The following RCOR2 variants were observed in gnomAD, a reference collection of about 807,000 sequenced individuals.
RCOR2 encodes the protein REST corepressor 2.
RCOR2 carries 19 observed loss-of-function variants against 58.9 expected under a neutral mutation model. The ratio of observed to expected loss-of-function variants is 0.32; its 90% confidence interval spans 0.23 to 0.47. The LOEUF (loss-of-function observed/expected upper bound fraction) is 0.47, where lower values mean the gene tolerates loss of function less well. Ranked by LOEUF, RCOR2 falls within the 20% of genes least tolerant of loss-of-function variation. The pLI is 1.00. For synonymous variants in RCOR2, 286 were observed against 278.7 expected (o/e 1.03, Z -0.26); for missense variants, 590 against 707.9 (o/e 0.83, Z 1.89).
chr11:63,924,854 G>T, the RCOR2 span, among the ~76,000 whole-genome samples: 1 of 45,502 alleles, frequency 2.2e-5, no homozygotes, highest in Admixed American at 2.0e-4. Context: ...CAGCCAAGGT[G>T]ATTTTTTTTT....
chr11:63,917,885 T>TC (rs1407383140), upstream of RCOR2, among the ~76,000 whole-genome samples: 4 of 151,192 alleles, frequency 2.6e-5, no homozygotes, highest in Non-Finnish European at 4.4e-5. Flanking sequence ...AGCATCCCCC[T>TC]CCCCCCGGAC....
the RCOR2 span, among the ~76,000 whole-genome samples, chr11:63,925,950 C>T: frequency 6.6e-6 from 1 of 151,978 alleles, no homozygotes; most frequent in African/African-American, 2.4e-5. Flanking sequence ...GCTCTTGTCG[C>T]CCAGGCTGGA....
rs1941863601 is a variant in RCOR2, at chr11:63,916,738, A to G, written c.-282T>C. The G allele has an allele frequency of 2.3e-6, 1 of 427,902 alleles. No homozygotes were observed. Among genetic ancestry groups the G allele is most frequent in the Non-Finnish European group, 4.2e-6 (1 of 238,710 alleles). 26.5% of individuals were successfully genotyped at this position (427,902 alleles called of 1,614,324 possible). On this transcript the variant is annotated 5_prime_UTR_variant, in exon 1 of 12. Transcript: ENST00000301459. ...CCGGTGCGGCTGGGGCGTGATTACT[A>G]TGTACGCCCCTCAGGGTTGGGGTTC...
upstream of RCOR2, among the ~76,000 whole-genome samples, chr11:63,922,143 C>T (rs758967897): frequency 2.0e-5 from 3 of 152,190 alleles, no homozygotes; most frequent in Non-Finnish European, 4.4e-5. Context: ...GATTCCAGCA[C>T]CATGCTCTTG....
At chr11:63,925,042 G>A in the RCOR2 span, among the ~76,000 whole-genome samples, 4 of 151,756 alleles carry the variant, frequency 2.6e-5, no homozygotes, top group African/African-American at 7.3e-5. Flanking sequence ...TAGTACAGCC[G>A]GGGTTTCACC....
intron 1 of RCOR2, 77 bp from the exon 2 acceptor site, chr11:63,915,688 G>A: frequency 7.6e-7 from 1 of 1,313,148 alleles, no homozygotes; most frequent in Non-Finnish European, 1.1e-6. Context: ...GGGGGAGGTG[G>A]CCGGCCTGGA....
chr11:63,916,371 G>C lies in RCOR2; in HGVS notation c.86C>G (p.Pro29Arg). Residue 29 changes from proline to arginine, a missense_variant, in exon 1 of 12, where the codon CCC (proline) becomes CGC (arginine). Transcript: ENST00000301459. ...CTCGCTGCTGTCATCCTCCGAGTGG[G>C]GCTGTCCGCCGTTGGGCACCGTCTT... is the stretch of plus-strand genomic sequence containing the variant. ...RAKTVPNGGQ[P>R]HSEDDSSEEE... The C allele has an allele frequency of 1.2e-6, 2 of 1,607,714 alleles. No homozygotes were observed. The highest frequency in any genetic ancestry group is 1.7e-6 in the Non-Finnish European group (2 of 1,177,860).
At chr11:63,917,573 G>A (rs1941878778), upstream of RCOR2, among the ~76,000 whole-genome samples, 1 of 152,002 alleles carries the variant, frequency 6.6e-6, no homozygotes, top group Non-Finnish European at 1.5e-5. Context: ...GGAACTCCCC[G>A]CCCCCCCTTC....
intron 8 of RCOR2, among the ~76,000 whole-genome samples, chr11:63,913,157 ATTTT>A (rs60636641): frequency 9.6e-6 from 1 of 104,430 alleles, no homozygotes; most frequent in Non-Finnish European, 1.9e-5. Flanking sequence ...TTATATTTTT[ATTTT>A]TTATATATAT....
intron 2 of RCOR2, 100 bp from the exon 3 acceptor site, chr11:63,915,358 G>T: frequency 1.6e-6 from 2 of 1,223,234 alleles, no homozygotes; most frequent in Non-Finnish European, 2.4e-6. Flanking sequence ...AGCCAGGGAG[G>T]TTGAGGCCCA....
the RCOR2 span, among the ~76,000 whole-genome samples, chr11:63,924,137 A>G: frequency 1.1e-4 from 17 of 151,872 alleles, no homozygotes; most frequent in African/African-American, 3.6e-4. Flanking sequence ...CAAACTCCCA[A>G]CCTCTGGTGA....
chr11:63,912,295 C>G lies in RCOR2; in HGVS notation c.1257+10G>C, dbSNP rs750769856. ...TCCTCTCTGAGGGGTTTCTCTCACC[C>G]CCTTCTCACCTCATCATCTTCCTCT... On this transcript the variant is annotated intron_variant, in intron 11 of 11. Transcript: ENST00000301459. 1.9e-6 allele frequency: 3 copies of G among 1,608,578 alleles called. No homozygotes were observed. The highest frequency in any genetic ancestry group is 2.7e-5 in the African/African-American group (2 of 74,678).
upstream of RCOR2, among the ~76,000 whole-genome samples, chr11:63,921,638 A>G (rs1206779498): frequency 6.6e-6 from 1 of 152,174 alleles, no homozygotes; most frequent in Non-Finnish European, 1.5e-5. Context: ...TCCTGACCTC[A>G]TTGACTGTTA....
chr11:63,920,869 T>C (rs952566020), upstream of RCOR2, among the ~76,000 whole-genome samples: 2 of 151,350 alleles, frequency 1.3e-5, no homozygotes, highest in African/African-American at 4.9e-5. Flanking sequence ...CCCCCTGGCC[T>C]AGCCGGCACT....
the RCOR2 span, among the ~76,000 whole-genome samples, chr11:63,926,499 T>TG: frequency 7.3e-4 from 111 of 151,158 alleles, no homozygotes; most frequent in African/African-American, 2.6e-3. Flanking sequence ...CTTTTTTTTT[T>TG]TTTGTTTGTT....
rs1208541813 is a variant in RCOR2, at chr11:63,911,742, ACT to A, written c.*121_*122del. The A allele has an allele frequency of 2.1e-5, 29 of 1,373,694 alleles. No individual in the cohort carries two copies. The highest frequency in any genetic ancestry group is 2.6e-5 in the Non-Finnish European group (28 of 1,069,738). The allele number at this position is 1,373,694 out of a possible 1,614,324, so 85.1% of individuals were successfully genotyped here. ...AAAGGGCGGGGCTGGGCTGTCCGAA[ACT>A]CTGGTCTTACAAAGACCCCGCCAGA... On this transcript the variant is annotated 3_prime_UTR_variant, in exon 12 of 12. Coordinates refer to ENST00000301459, the MANE Select transcript of RCOR2 (RefSeq NM_173587.4).
In RCOR2 at chr11:63,916,469, C is replaced by A. The variant is rs562559987; in HGVS notation, c.-13G>T. The A allele has an allele frequency of 7.5e-6, 12 of 1,603,706 alleles. No homozygotes were observed. The South Asian group carries it at 1.0e-4, about 13-fold the overall frequency. On this transcript the variant is annotated 5_prime_UTR_variant, in exon 1 of 12. Transcript: ENST00000301459. ...TCACTGAGGGCATTACCCCGCCCAG[C>A]TGCCCCGGGGGGCGCAGGAGCCTTC...
chr11:63,920,498 C>T (rs1941908962), upstream of RCOR2, among the ~76,000 whole-genome samples: 2 of 152,234 alleles, frequency 1.3e-5, no homozygotes, highest in South Asian at 4.1e-4. Context: ...TGCCTGGGAC[C>T]CTGGCCAGGC....
At chr11:63,923,756 C>T in the RCOR2 span, among the ~76,000 whole-genome samples, 1 of 152,204 alleles carries the variant, frequency 6.6e-6, no homozygotes, top group Non-Finnish European at 1.5e-5. Flanking sequence ...GCCCAGACCC[C>T]TGACCCCAGG....
Sources: gnomAD v4.1 joint callset for allele counts (sites outside exome capture counted in the v4.1 genomes callset) on GRCh38, gnomAD v4.1.1 for gene constraint, MANE v1.5 for transcripts, NCBI Gene and HGNC (gene_info 2026-07-23, HGNC 2026-07-21) for gene names.